The following GRIN2A variants were observed in gnomAD, a reference collection of about 807,000 sequenced individuals.
The protein encoded by GRIN2A is glutamate receptor ionotropic, NMDA 2A.
In GRIN2A, 22 loss-of-function variants were observed where a neutral mutation model predicts 113.4. That is an observed-to-expected ratio of 0.19 (90% CI 0.14 to 0.28). GRIN2A has a LOEUF of 0.28. Among genes scored for constraint, GRIN2A ranks in the 10% least tolerant of loss-of-function variants. The probability of loss-of-function intolerance (pLI) is 1.00; values close to 1 mark genes in which losing one functional copy is unlikely to be tolerated. For synonymous variants in GRIN2A, 827 were observed against 738.4 expected (o/e 1.12, Z -1.94); for missense variants, 1,502 against 1,887.0 (o/e 0.80, Z 3.78).
chr16:9,928,262 C>G (rs1455288691), intron 3 of GRIN2A, among the ~76,000 whole-genome samples: 1 of 152,098 alleles, frequency 6.6e-6, no homozygotes, highest in Non-Finnish European at 1.5e-5. Context: ...GGTGGAGAGG[C>G]CCGTTCTGCC....
chr16:10,039,799 GGA>G (rs1845378937), intron 2 of GRIN2A, among the ~76,000 whole-genome samples: 6 of 101,398 alleles, frequency 5.9e-5, no homozygotes, highest in African/African-American at 1.8e-4. Flanking sequence ...AGGGGGAGGG[GGA>G]GGGGGGGGAG....
At chr16:9,918,896 G>A (rs950291190) in intron 3 of GRIN2A, among the ~76,000 whole-genome samples, 3 of 151,972 alleles carry the variant, frequency 2.0e-5, no homozygotes, top group African/African-American at 4.8e-5. Context: ...AAATTGGAGC[G>A]GCGCGGTGGC....
At chr16:10,164,275 G>C (rs151326488) in intron 2 of GRIN2A, among the ~76,000 whole-genome samples, 17 of 152,338 alleles carry the variant, frequency 1.1e-4, no homozygotes, top group Admixed American at 3.3e-4. Flanking sequence ...ACCTTCCTTG[G>C]TGTCTGTAAG....
intron 2 of GRIN2A, among the ~76,000 whole-genome samples, chr16:10,142,050 A>C (rs892224543): frequency 1.3e-5 from 2 of 152,224 alleles, no homozygotes; most frequent in African/African-American, 4.8e-5. Flanking sequence ...TGCCAGCTCA[A>C]AGCTTCATTG....
chr16:9,918,197 A>G (rs146336023), intron 3 of GRIN2A, among the ~76,000 whole-genome samples: 1 of 152,326 alleles, frequency 6.6e-6, no homozygotes, highest in African/African-American at 2.4e-5. Flanking sequence ...TCTCACAGCT[A>G]ATAAGTGGCA....
chr16:9,829,363 C>T, intron 9 of GRIN2A, 60 bp downstream of exon 9: 2 of 1,063,292 alleles, frequency 1.9e-6, no homozygotes, highest in Non-Finnish European at 2.9e-6. Flanking sequence ...ATCTCTTCCT[C>T]CTGAAAGGAG....
rs2050253922 is a variant in GRIN2A at position 10,180,812 on chromosome 16, A to C, written c.-18-383T>G. The C allele has an allele frequency of 1.2e-5, 4 of 329,006 alleles. No individual in the cohort carries two copies. Among genetic ancestry groups the C allele is most frequent in the Non-Finnish European group, 2.3e-5 (4 of 173,708 alleles). The allele number at this position is 329,006 out of a possible 1,614,324, so 20.4% of individuals were successfully genotyped here. A position where few individuals can be genotyped will look rare whatever the true frequency, so the allele number is the denominator to read the frequency against. On this transcript the variant is annotated intron_variant, in intron 1 of 12. Coordinates refer to ENST00000330684, the MANE Select transcript of GRIN2A (RefSeq NM_001134407.3). The surrounding 1 kb of genome is among the most constrained non-coding windows in gnomAD (Gnocchi z 7.0). Reference sequence around the variant, plus strand: ...CCCACCAAGCTCCTAGGTGCACAGAATAAACCCTCCATCCAACCCCTCCCA... The same window carrying C: ...CCCACCAAGCTCCTAGGTGCACAGACTAAACCCTCCATCCAACCCCTCCCA...
At chr16:10,041,235 G>A (rs891266933) in intron 2 of GRIN2A, among the ~76,000 whole-genome samples, 4 of 152,166 alleles carry the variant, frequency 2.6e-5, no homozygotes. Context: ...CAACAACCCA[G>A]CCTACAAAAG....
intron 2 of GRIN2A, among the ~76,000 whole-genome samples, chr16:10,069,853 C>G (rs561649827): frequency 6.6e-6 from 1 of 152,204 alleles, no homozygotes; most frequent in East Asian, 1.9e-4. Context: ...ATAGATCCCA[C>G]GTCTTGGGCT....
intron 2 of GRIN2A, among the ~76,000 whole-genome samples, chr16:10,031,938 C>T (rs115573029): frequency 6.6e-6 from 1 of 152,368 alleles, no homozygotes; most frequent in East Asian, 1.9e-4. Context: ...TCCTGCAATG[C>T]TTTTCCCTTC....
At chr16:9,879,221 T>G (rs1215232493) in intron 4 of GRIN2A, among the ~76,000 whole-genome samples, 1 of 152,120 alleles carries the variant, frequency 6.6e-6, no homozygotes, top group Non-Finnish European at 1.5e-5. Flanking sequence ...AAGGTTGATA[T>G]TACCAAACCC....
chr16:10,053,723 G>C (rs73508620), intron 2 of GRIN2A, among the ~76,000 whole-genome samples: 3,659 of 152,326 alleles, frequency 0.024, 163 homozygotes, highest in African/African-American at 0.084. Context: ...ATGAAATGCA[G>C]TAAAAGAGCT....
At chr16:10,100,273 C>T (rs1469349907) in intron 2 of GRIN2A, among the ~76,000 whole-genome samples, 1 of 152,092 alleles carries the variant, frequency 6.6e-6, no homozygotes, top group Non-Finnish European at 1.5e-5. Flanking sequence ...ACAACATGAT[C>T]GGGTTTGCAT....
chr16:10,075,402 G>A (rs995994599), intron 2 of GRIN2A, among the ~76,000 whole-genome samples: 2 of 152,002 alleles, frequency 1.3e-5, no homozygotes, highest in Non-Finnish European at 2.9e-5. Flanking sequence ...CAAATTTATA[G>A]AGACAGAAAG....
At chr16:10,070,987 C>T (rs1037274512) in intron 2 of GRIN2A, among the ~76,000 whole-genome samples, 2 of 152,150 alleles carry the variant, frequency 1.3e-5, no homozygotes, top group Non-Finnish European at 2.9e-5. Flanking sequence ...CCTTGGTCAC[C>T]TGAGAGCATG....
At position 9,787,446 on chromosome 16, in the gene GRIN2A, C is replaced by T. The variant is rs368360704; in HGVS notation, c.2356+10831G>A. ...GGTTATCCCGCCCTATCAGACTGCA[C>T]CAATGCATGCCTCACAGGTATTGAT... On this transcript the variant is annotated intron_variant, in intron 11 of 12. Coordinates refer to ENST00000330684, the MANE Select transcript of GRIN2A (RefSeq NM_001134407.3). Among the ~76,000 whole-genome samples the T allele has an allele frequency of 6.6e-5, 10 of 152,326 alleles. No individual in the cohort carries two copies. The East Asian group carries it at 1.2e-3, about 18-fold the overall frequency.
chr16:10,167,997 TACAA>T (rs2049961010), intron 2 of GRIN2A, among the ~76,000 whole-genome samples: 1 of 152,204 alleles, frequency 6.6e-6, no homozygotes, highest in Admixed American at 6.5e-5. Flanking sequence ...CTCTTTAGAA[TACAA>T]ACATATTACT....
At chr16:9,876,316 A>C (rs2043364845) in intron 4 of GRIN2A, among the ~76,000 whole-genome samples, 2 of 152,170 alleles carry the variant, frequency 1.3e-5, no homozygotes, top group South Asian at 4.1e-4. Flanking sequence ...GTGTCAAAGA[A>C]AATGCTAAAC....
At chr16:9,913,264 C>T (rs767760874) in intron 3 of GRIN2A, among the ~76,000 whole-genome samples, 29 of 152,182 alleles carry the variant, frequency 1.9e-4, no homozygotes, top group Non-Finnish European at 3.2e-4. Context: ...TTATGAGTCT[C>T]CTCTAGGGAA....
Sources: gnomAD v4.1 joint callset for allele counts (sites outside exome capture counted in the v4.1 genomes callset) on GRCh38, gnomAD v4.1.1 for gene constraint, Gnocchi (gnomAD v3.1) non-coding constraint, MANE v1.5 for transcripts, NCBI Gene and HGNC (gene_info 2026-07-23, HGNC 2026-07-21) for gene names.